Variants in NRXN1 observed in about 807,000 individuals in gnomAD.
The protein encoded by NRXN1 is neurexin-1.
A neutral mutation model predicts 150.9 loss-of-function variants in NRXN1; 39 were observed. The ratio of observed to expected loss-of-function variants is 0.26; its 90% CI spans 0.20 to 0.34. NRXN1 has a LOEUF of 0.34. NRXN1 is among the 10% of genes least tolerant of loss of function. The pLI is 1.00. For synonymous variants in NRXN1, 924 were observed against 757.0 expected (o/e 1.22, Z -3.62); for missense variants, 1,815 against 1,949.9 (o/e 0.93, Z 1.30).
chr2:50,967,356 C>G (rs1337837743), intron 2 of NRXN1, among the ~76,000 whole-genome samples: 2 of 152,030 alleles, frequency 1.3e-5, no homozygotes, highest in South Asian at 2.1e-4. Context: ...TAACATTTTT[C>G]TTTATAACAA....
At chr2:50,540,042 T>C (rs1407338079) in intron 9 of NRXN1, among the ~76,000 whole-genome samples, 1 of 152,086 alleles carries the variant, frequency 6.6e-6, no homozygotes, top group African/African-American at 2.4e-5. Flanking sequence ...ATCTAGGCAG[T>C]CTAATGGGAT....
intron 6 of NRXN1, among the ~76,000 whole-genome samples, chr2:50,622,073 A>G (rs1293646672): frequency 6.6e-6 from 1 of 152,134 alleles, no homozygotes; most frequent in Non-Finnish European, 1.5e-5. Flanking sequence ...GGAAAACCAA[A>G]GAGACAGACT....
At chr2:50,851,364 A>T (rs1013390332) in intron 5 of NRXN1, among the ~76,000 whole-genome samples, 10 of 152,184 alleles carry the variant, frequency 6.6e-5, no homozygotes, top group African/African-American at 1.7e-4. Flanking sequence ...AGACAATAAT[A>T]TTTAGGTAAA....
intron 12 of NRXN1, among the ~76,000 whole-genome samples, chr2:50,524,687 CT>C (rs1297288122): frequency 6.6e-6 from 1 of 151,888 alleles, no homozygotes; most frequent in Non-Finnish European, 1.5e-5. Context: ...AAAGTAGTTA[CT>C]GATATGACAA....
At chr2:50,282,694 T>C (rs563654357) in intron 17 of NRXN1, among the ~76,000 whole-genome samples, 3 of 152,290 alleles carry the variant, frequency 2.0e-5, no homozygotes, top group African/African-American at 7.2e-5. Context: ...TTATACTTCC[T>C]TTCATAATGG....
At chr2:50,768,101 T>C (rs1012281158) in intron 5 of NRXN1, among the ~76,000 whole-genome samples, 1 of 152,102 alleles carries the variant, frequency 6.6e-6, no homozygotes, top group Non-Finnish European at 1.5e-5. Context: ...CAGTGAGTTT[T>C]TATAAATGTG....
chr2:50,346,657 G>T lies in NRXN1; in HGVS notation c.3365-109687C>A, dbSNP rs755457318. The T allele has an allele frequency of 2.1e-5, 34 of 1,608,988 alleles. No individual in the cohort carries two copies. Among genetic ancestry groups the T allele is most frequent in the Non-Finnish European group, 2.2e-5 (26 of 1,176,212 alleles). On this transcript the variant is annotated intron_variant, in intron 17 of 22. Transcript: ENST00000401669. The surrounding 1 kb of genome is among the most constrained non-coding windows in gnomAD (Gnocchi z 5.0). ...CAGGGTAGAAAGAGGGGAGCGAGGG[G>T]ATAACCCGCGAGAACTTGGCATCGC... is the stretch of plus-strand genomic sequence containing the variant.
At chr2:50,151,585 C>A (rs575530287) in intron 18 of NRXN1, among the ~76,000 whole-genome samples, 1 of 151,216 alleles carries the variant, frequency 6.6e-6, no homozygotes, top group Non-Finnish European at 1.5e-5. Context: ...CCAAAAGCTC[C>A]AAAGCTTTAA....
intron 15 of NRXN1, among the ~76,000 whole-genome samples, chr2:50,483,232 T>G (rs942079281): frequency 1.3e-5 from 2 of 151,974 alleles, no homozygotes; most frequent in Non-Finnish European, 2.9e-5. Context: ...ATCAGAAAGT[T>G]ACCCTATATG....
At chr2:50,134,782 G>A (rs753470396) in intron 18 of NRXN1, among the ~76,000 whole-genome samples, 15 of 152,192 alleles carry the variant, frequency 9.9e-5, no homozygotes, top group African/African-American at 2.6e-4. Flanking sequence ...AAACTGAGTC[G>A]CAGGTTGTAC....
chr2:50,195,020 T>C (rs974208160), intron 18 of NRXN1, among the ~76,000 whole-genome samples: 7 of 152,102 alleles, frequency 4.6e-5, no homozygotes, highest in Non-Finnish European at 1.0e-4. Context: ...AGATGAAAGA[T>C]TTACACAGAT....
chr2:50,544,787 T>C (rs1181397400), intron 9 of NRXN1, among the ~76,000 whole-genome samples: 1 of 152,120 alleles, frequency 6.6e-6, no homozygotes, highest in Non-Finnish European at 1.5e-5. Context: ...AAAGATTTCA[T>C]GTATGAAGGA....
intron 19 of NRXN1, among the ~76,000 whole-genome samples, chr2:50,069,949 C>T (rs1477153706): frequency 6.7e-6 from 1 of 150,248 alleles, no homozygotes; most frequent in East Asian, 2.0e-4. Flanking sequence ...CTCCCGAGTT[C>T]ATGCCATTCT....
At chr2:50,733,641 T>C (rs1698371310) in intron 5 of NRXN1, among the ~76,000 whole-genome samples, 1 of 152,164 alleles carries the variant, frequency 6.6e-6, no homozygotes, top group South Asian at 2.1e-4. Context: ...AACTGTTGTA[T>C]AAGGACACCA....
At chr2:50,825,885 G>C (rs755272202) in intron 5 of NRXN1, among the ~76,000 whole-genome samples, 2 of 152,180 alleles carry the variant, frequency 1.3e-5, no homozygotes, top group African/African-American at 4.8e-5. Context: ...CACTTGGCAG[G>C]TGTCTGTTGG....
chr2:50,267,683 G>A (rs984880417), intron 17 of NRXN1, among the ~76,000 whole-genome samples: 1 of 152,110 alleles, frequency 6.6e-6, no homozygotes, highest in African/African-American at 2.4e-5. Flanking sequence ...AGGTATTATA[G>A]GGAACGAAAA....
intron 15 of NRXN1, among the ~76,000 whole-genome samples, chr2:50,493,143 T>A (rs1388418410): frequency 6.6e-6 from 1 of 152,206 alleles, no homozygotes; most frequent in African/African-American, 2.4e-5. Flanking sequence ...ATACAATCTA[T>A]TGACCAAAAC....
chr2:50,050,286 C>T (rs1045000022), intron 21 of NRXN1, among the ~76,000 whole-genome samples: 3 of 151,480 alleles, frequency 2.0e-5, no homozygotes, highest in African/African-American at 7.3e-5. Context: ...TACATTTCTT[C>T]CCTATTACTA....
At chr2:50,848,417 A>G (rs2105963831) in intron 5 of NRXN1, among the ~76,000 whole-genome samples, 1 of 152,272 alleles carries the variant, frequency 6.6e-6, no homozygotes, top group East Asian at 1.9e-4. Context: ...TAGTGTGTAC[A>G]TGTTCAGAAA....
Sources: allele counts gnomAD v4.1 joint callset (sites outside exome capture counted in the v4.1 genomes callset), GRCh38; gene constraint gnomAD v4.1.1; non-coding constraint Gnocchi (gnomAD v3.1); transcripts MANE v1.5; gene names NCBI Gene and HGNC (gene_info 2026-07-23, HGNC 2026-07-21).